The following SMTNL1 variants were observed in gnomAD, a reference collection of about 807,000 sequenced individuals.
SMTNL1 encodes the protein smoothelin like 1.
SMTNL1 carries 41 observed loss-of-function variants against 46.6 expected under a neutral mutation model. That is an observed-to-expected ratio of 0.88 (90% CI 0.69 to 1.14). The LOEUF (loss-of-function observed/expected upper bound fraction) is 1.14, where lower values mean the gene tolerates loss of function less well. Among genes scored for constraint, SMTNL1 ranks in the 50% most tolerant of loss-of-function variants. The pLI is 0.00. For synonymous variants in SMTNL1, 234 were observed against 234.2 expected, an observed-to-expected ratio of 1.00 and a Z score of 0.01; for missense variants, 591 against 626.1, an observed-to-expected ratio of 0.94 and a Z score of 0.60.
At chr11:57,542,198 T>C (rs927255702) in intron 1 of SMTNL1, among the ~76,000 whole-genome samples, 1 of 151,830 alleles carries the variant, frequency 6.6e-6, no homozygotes, top group African/African-American at 2.4e-5. Context: ...CTCAGGAGGC[T>C]GAGGTTGGAG....
rs1304221822 is a variant in SMTNL1, at chr11:57,546,671, C to G, written c.1340+19C>G. 6.2e-7 allele frequency: 1 copy of G among 1,609,044 alleles called. No individual in the cohort carries two copies. Among genetic ancestry groups the G allele is most frequent in the East Asian group, 2.2e-5 (1 of 44,744 alleles). ...CAGCAGAGTAAGCCACAGCCATGGGCTGGCAGAGCTGGATGGGAGCCTAGG... is the reference window on the plus strand; with the variant it reads ...CAGCAGAGTAAGCCACAGCCATGGGGTGGCAGAGCTGGATGGGAGCCTAGG... On this transcript the variant is annotated intron_variant, in intron 7 of 7. Transcript: ENST00000527972.
rs200996154 is a variant in SMTNL1 at position 57,546,332 on chromosome 11, G to T, written c.1173G>T (p.Met391Ile). 1.3e-6 allele frequency: 2 copies of T among 1,554,670 alleles called. No homozygotes were observed. The highest frequency in any genetic ancestry group is 1.4e-5 in the African/African-American group (1 of 70,964). ...TGCTCTTGGAGTGGTGCCGAGCCAT[G>T]ACAAAAAAATACGAGGTGGGCATGG... is the stretch of plus-strand genomic sequence containing the variant. ...KNMLLEWCRA[M>I]TKKYEHVDIQ... The change falls in exon 6 of 8, where the codon ATG becomes ATT. Residue 391 changes from methionine to isoleucine, a missense_variant. Physicochemically the swap from Met to Ile is conservative, Grantham distance 10. Coordinates refer to ENST00000527972, the MANE Select transcript of SMTNL1 (RefSeq NM_001105565.3).
rs368471316 is a variant in SMTNL1, at chr11:57,542,727, G to A, written c.85G>A (p.Ala29Thr). ...CAACCCTGAGATGTCAGGAGGTGGA[G>A]CCCCTGCAGAGGAGACCAAAGGCAC... ...ADNPEMSGGGAPAEETKGTAG... is the reference protein window; with the variant it reads ...ADNPEMSGGGTPAEETKGTAG... Residue 29 changes from alanine (A) to threonine (T), a missense_variant, in exon 2 of 8, where the codon GCC becomes ACC. By Grantham distance (58) the Ala-to-Thr change is moderately conservative (BLOSUM62 0). Transcript: ENST00000527972. 31 of 1,613,932 alleles carry A rather than the reference G, an allele frequency of 1.9e-5. No homozygotes were observed. The highest frequency in any genetic ancestry group is 2.6e-5 in the Non-Finnish European group (31 of 1,179,860).
At position 57,542,659 on chromosome 11, in the gene SMTNL1, G is replaced by A. The variant is rs1046672266; in HGVS notation, c.17G>A (p.Gly6Glu). 1.2e-6 allele frequency: 2 copies of A among 1,609,022 alleles called. No homozygotes were observed. The highest frequency in any genetic ancestry group is 1.7e-6 in the Non-Finnish European group (2 of 1,177,428). ...TTTCCAGAGATGGAGCAGAAGGAAGGGAAGCTCTCTGAGGATGGGACCACC... is the reference window on the plus strand; with the variant it reads ...TTTCCAGAGATGGAGCAGAAGGAAGAGAAGCTCTCTGAGGATGGGACCACC... MEQKE[G>E]KLSEDGTTVS... is the part of the protein sequence containing the mutation. The change falls in exon 2 of 8, where the codon GGG becomes GAG. Residue 6 changes from glycine (G) to glutamate (E), a missense_variant. Gly to Glu is a moderately conservative substitution (Grantham distance 98, BLOSUM62 -2). Transcript: ENST00000527972.
At position 57,542,782 on chromosome 11, in the gene SMTNL1, C is replaced by T. The variant is rs1464879159; in HGVS notation, c.140C>T (p.Pro47Leu). The change falls in exon 2 of 8, where the codon CCC (proline) becomes CTC (leucine). Residue 47 changes from proline to leucine, a missense_variant. Coordinates refer to ENST00000527972, the MANE Select transcript of SMTNL1 (RefSeq NM_001105565.3). ...GGAAAGGCCATCAATGAGGGGCCTC[C>T]CACTGAGTCAGGAAAGCAGGAAAAG... ...TAGKAINEGPPTESGKQEKAP... is the reference protein window; with the variant it reads ...TAGKAINEGPLTESGKQEKAP... The T allele has an allele frequency of 6.2e-7, 1 of 1,613,918 alleles. No individual in the cohort carries two copies. The highest frequency in any genetic ancestry group is 1.1e-5 in the South Asian group (1 of 91,058).
Position 57,546,603 on chromosome 11 carries a change from G to A in SMTNL1, c.1291G>A (p.Asp431Asn). 1 of 1,614,036 alleles carries A rather than the reference G, an allele frequency of 6.2e-7. No individual in the cohort carries two copies. The highest frequency in any genetic ancestry group is 1.3e-5 in the African/African-American group (1 of 75,066). The change falls in exon 7 of 8, where the codon GAT (aspartate) becomes AAT (asparagine). Residue 431 changes from aspartate (D) to asparagine (N), a missense_variant. Transcript: ENST00000527972. ...TGACGCCTTTGACTACGCAGAGCTG[G>A]ATCCCGCAAAGCGCCGGCACAACTT... ...FPDAFDYAEL[D>N]PAKRRHNFTL...
intron 7 of SMTNL1, 105 bp from the exon 8 acceptor site, chr11:57,549,863 C>A: frequency 8.0e-7 from 1 of 1,247,476 alleles, no homozygotes; most frequent in Non-Finnish European, 1.1e-6. Context: ...AACATCCCAG[C>A]CCATCCTATG....
chr11:57,540,823 G>A (rs756342146), intron 1 of SMTNL1, among the ~76,000 whole-genome samples: 2 of 151,560 alleles, frequency 1.3e-5, no homozygotes, highest in African/African-American at 2.4e-5. Context: ...CAATTCTCCT[G>A]CCTCAGCCTC....
At position 57,543,727 on chromosome 11, in the gene SMTNL1, C is replaced by T; in HGVS notation, c.836C>T (p.Pro279Leu). The change falls in exon 3 of 8, where the codon CCC becomes CTC. Residue 279 changes from proline to leucine, a missense_variant. Transcript: ENST00000527972. ...PSSPEEWPESPTGEGHNLSTD... is the reference protein window; with the variant it reads ...PSSPEEWPESLTGEGHNLSTD... ...TCCCCAGAGGAGTGGCCTGAGAGCC[C>T]CACTGGGGAGGGGCACAACCTCAGC... The T allele has an allele frequency of 1.3e-6, 2 of 1,567,210 alleles. No individual in the cohort carries two copies. The highest frequency in any genetic ancestry group is 1.7e-6 in the Non-Finnish European group (2 of 1,156,088).
At chr11:57,546,414 C>T in intron 6 of SMTNL1, 67 bp downstream of exon 6, 1 of 803,130 alleles carries the variant, frequency 1.2e-6, no homozygotes. Flanking sequence ...GTGCAAACCC[C>T]AAAGGGTGGG....
rs1218572133 is a variant in SMTNL1, at chr11:57,542,109, AAAAAACACAC to A, written c.-2-530_-2-521del. 7.6e-4 allele frequency among the ~76,000 whole-genome samples: 46 copies of A among 60,512 alleles called. No individual in the cohort carries two copies. In the South Asian group the frequency reaches 0.016, roughly 21 times the overall value. The allele number at this position is 60,512 out of a possible 152,430, so 39.7% of individuals were successfully genotyped here. A position where few individuals can be genotyped will look rare whatever the true frequency, so the allele number is the denominator to read the frequency against. On this transcript the variant is annotated intron_variant, in intron 1 of 7. Coordinates refer to ENST00000527972, the MANE Select transcript of SMTNL1 (RefSeq NM_001105565.3). ...ATGGCAAAACCCCATCTCTACAAAA[AAAAAACACAC>A]ACACACACACACACACACACACACA...
At chr11:57,549,936 CCTT>C (rs1299573732) in intron 7 of SMTNL1, 29 bp from the exon 8 acceptor site, 1 of 1,611,414 alleles carries the variant, frequency 6.2e-7, no homozygotes, top group African/African-American at 1.3e-5. Flanking sequence ...TCACCTTTGA[CCTT>C]CTGCTCCTCA....
intron 1 of SMTNL1, 57 bp from the exon 2 acceptor site, chr11:57,542,584 G>A: frequency 6.5e-7 from 1 of 1,530,610 alleles, no homozygotes; most frequent in African/African-American, 1.4e-5. Context: ...TGAGGGTGGG[G>A]TCTTCACCTC....
intron 7 of SMTNL1, 95 bp downstream of exon 7, chr11:57,546,747 G>A: frequency 7.1e-7 from 1 of 1,414,816 alleles, no homozygotes; most frequent in East Asian, 2.5e-5. Flanking sequence ...CACCGATGCT[G>A]GTGCCACACA....
Position 57,542,936 on chromosome 11 carries a change from T to C in SMTNL1, c.294T>C (p.Asp98=), listed in dbSNP as rs1205169008. 22 of 1,603,920 alleles carry C rather than the reference T, an allele frequency of 1.4e-5. No individual in the cohort carries two copies. The highest frequency in any genetic ancestry group is 3.4e-5 in the Admixed American group (2 of 58,128). Residue 98 remains aspartate, a synonymous_variant, in exon 2 of 8, where the codon GAT becomes GAC. Coordinates refer to ENST00000527972, the MANE Select transcript of SMTNL1 (RefSeq NM_001105565.3). ...CTGAGGCTGAACTTAAAAAGGAGGATGGTGAGAAGGAAGAGACCACTGTGG... is the reference window on the plus strand; with the variant it reads ...CTGAGGCTGAACTTAAAAAGGAGGACGGTGAGAAGGAAGAGACCACTGTGG... ...EDAEAELKKE[D]GEKEETTVGS... is the part of the protein sequence containing the mutation.
chr11:57,539,796 G>A (rs1219066809), intron 1 of SMTNL1, among the ~76,000 whole-genome samples: 1 of 152,144 alleles, frequency 6.6e-6, no homozygotes, highest in African/African-American at 2.4e-5. Flanking sequence ...TCTAAGCATG[G>A]GCTTTCTTAA....
intron 7 of SMTNL1, among the ~76,000 whole-genome samples, chr11:57,549,450 T>C (rs1944942860): frequency 6.6e-6 from 1 of 152,202 alleles, no homozygotes; most frequent in African/African-American, 2.4e-5. Flanking sequence ...TGCGCCCATG[T>C]GAGGACAATA....
intron 4 of SMTNL1, among the ~76,000 whole-genome samples, chr11:57,544,165 A>G (rs1944904505): frequency 6.6e-6 from 1 of 152,234 alleles, no homozygotes; most frequent in Non-Finnish European, 1.5e-5. Context: ...GGATTACCTG[A>G]GGTCATGAGT....
rs779945542 is a variant in SMTNL1, at chr11:57,546,289, T to C, written c.1130T>C (p.Ile377Thr). ...FRNTKAAGAA[I>T]GGVKNMLLEW... ...AACACTAAGGCAGCCGGGGCAGCCA[T>C]TGGTGGTGTCAAGAACATGCTCTTG... The change falls in exon 6 of 8, where the codon ATT becomes ACT. Residue 377 changes from isoleucine to threonine, a missense_variant. Physicochemically the swap from Ile to Thr is moderately conservative, Grantham distance 89. Transcript: ENST00000527972. The C allele has an allele frequency of 2.4e-5, 39 of 1,611,540 alleles. No individual in the cohort carries two copies. The Admixed American group carries it at 3.2e-4, about 13-fold the overall frequency.
Sources: gnomAD v4.1 joint callset for allele counts (sites outside exome capture counted in the v4.1 genomes callset) on GRCh38, gnomAD v4.1.1 for gene constraint, MANE v1.5 for transcripts, NCBI Gene and HGNC (gene_info 2026-07-23, HGNC 2026-07-21) for gene names.